Variants in NPR2 observed in about 807,000 individuals in gnomAD.
The protein encoded by NPR2 is natriuretic peptide receptor 2.
NPR2 carries 49 observed loss-of-function variants against 120.7 expected under a neutral mutation model. The observed-to-expected ratio is 0.41, with a 90% CI of 0.32 to 0.52. The LOEUF is 0.52. Ranked by LOEUF, NPR2 falls within the 20% of genes least tolerant of loss-of-function variation. NPR2 has a pLI of 0.36. For missense variants in NPR2, 931 were observed against 1,362.9 expected (o/e 0.68, Z 4.99); for synonymous variants, 484 against 519.8 (o/e 0.93, Z 0.94).
rs754355996 is a variant in NPR2 at position 35,808,238 on chromosome 9, T to G, written c.2713-271T>G. 6.2e-7 allele frequency: 1 copy of G among 1,614,254 alleles called. No individual in the cohort carries two copies. ...CCCATTTCCTGATGGCAGAGCCTATTTGTCCATGTCCTGCTGCAGACAGGG... is the reference window on the plus strand; with the variant it reads ...CCCATTTCCTGATGGCAGAGCCTATGTGTCCATGTCCTGCTGCAGACAGGG... On this transcript the variant is annotated intron_variant, in intron 18 of 21. Transcript: ENST00000342694. This position sits in a 1 kb window ranked among gnomAD's most constrained non-coding sequence, Gnocchi z 4.0.
chr9:35,805,922 C>T lies in NPR2; in HGVS notation c.2140C>T (p.Leu714=), dbSNP rs1386497105. ...KADVYSFGII[L]QEIALRSGPF... ...TGACGTCTATAGCTTTGGGATCATCCTGCAGGAGATAGCACTTCGCAGTGG... is the reference window on the plus strand; with the variant it reads ...TGACGTCTATAGCTTTGGGATCATCTTGCAGGAGATAGCACTTCGCAGTGG... The change falls in exon 14 of 22, where the codon CTG becomes TTG. Residue 714 remains leucine (L), a synonymous_variant. Transcript: ENST00000342694. The surrounding 1 kb of genome is among the most constrained non-coding windows in gnomAD (Gnocchi z 4.9). The T allele has an allele frequency of 6.2e-7, 1 of 1,614,206 alleles. No individual in the cohort carries two copies. The highest frequency in any genetic ancestry group is 1.1e-5 in the South Asian group (1 of 91,086).
Position 35,801,778 on chromosome 9 carries a change from C to A in NPR2, c.1557+15C>A. The A allele has an allele frequency of 1.2e-6, 2 of 1,614,162 alleles. No homozygotes were observed. The highest frequency in any genetic ancestry group is 1.7e-6 in the Non-Finnish European group (2 of 1,180,030). ...CACTGTCGCTGGTGAGCCCTTGTCT[C>A]AGCTGTTCCTCTGCCTCCCTCTGAG... On this transcript the variant is annotated intron_variant, in intron 8 of 21. Transcript: ENST00000342694.
chr9:35,793,042 C>T lies in NPR2; in HGVS notation c.634C>T (p.Gln212Ter). 1 of 1,604,772 alleles carries T rather than the reference C, an allele frequency of 6.2e-7. No individual in the cohort carries two copies. The highest frequency in any genetic ancestry group is 1.1e-5 in the South Asian group (1 of 90,782). Reference protein sequence around the residue: ...VYAREPGGPEQATHFIRANGR... With the variant: ...VYAREPGGPE Reference sequence around the variant, plus strand: ...TGCCCGAGAGCCAGGGGGCCCCGAGCAGGCCACCCACTTCATCCGGGCCAA... The same window carrying T: ...TGCCCGAGAGCCAGGGGGCCCCGAGTAGGCCACCCACTTCATCCGGGCCAA... The change falls in exon 1 of 22, where the codon CAG becomes TAG. Residue 212 changes from glutamine to a stop codon, truncating the protein, a stop_gained. Coordinates refer to ENST00000342694, the MANE Select transcript of NPR2 (RefSeq NM_003995.4). LOFTEE classifies it high-confidence loss of function.
intron 18 of NPR2, chr9:35,807,934 CGTT>C: frequency 1.9e-6 from 1 of 525,262 alleles, no homozygotes. Context: ...ATAATAGATT[CGTT>C]GTATGGAAAG....
At position 35,808,203 on chromosome 9, in the gene NPR2, T is replaced by C. The variant is rs780926461; in HGVS notation, c.2713-306T>C. On this transcript the variant is annotated intron_variant, in intron 18 of 21. Transcript: ENST00000342694. This position sits in a 1 kb window ranked among gnomAD's most constrained non-coding sequence, Gnocchi z 4.0. ...AGCCTCTGTCCTCTTGAGTTACCGT[T>C]TTCTTGCTTCCCATTTCCTGATGGC... 6.2e-7 allele frequency: 1 copy of C among 1,614,202 alleles called. No homozygotes were observed. Among genetic ancestry groups the C allele is most frequent in the South Asian group, 1.1e-5 (1 of 91,084 alleles).
chr9:35,798,020 G>A (rs1359311575), intron 2 of NPR2, among the ~76,000 whole-genome samples: 3 of 152,106 alleles, frequency 2.0e-5, no homozygotes, highest in Non-Finnish European at 4.4e-5. Flanking sequence ...TTCTAAGATG[G>A]TCAATATTGA....
rs1828653715 is a variant in NPR2, at chr9:35,809,600, A to C, written c.*155A>C. Reference sequence around the variant, plus strand: ...TTATATGGAAGTTGTAGCCCTCTGCAGCTCAGCCCTGTACATATACCTGTC... The same window carrying C: ...TTATATGGAAGTTGTAGCCCTCTGCCGCTCAGCCCTGTACATATACCTGTC... On this transcript the variant is annotated 3_prime_UTR_variant, in exon 22 of 22. Transcript: ENST00000342694. The surrounding 1 kb of genome is among the most constrained non-coding windows in gnomAD (Gnocchi z 4.1). The C allele has an allele frequency of 3.1e-6, 4 of 1,279,944 alleles. No homozygotes were observed. The South Asian group carries it at 3.6e-5, about 11-fold the overall frequency. 79.3% of individuals were successfully genotyped at this position (1,279,944 alleles called of 1,614,324 possible).
At position 35,795,283 on chromosome 9, in the gene NPR2, C is replaced by T. The variant is rs1157468929; in HGVS notation, c.873+1180C>T. On this transcript the variant is annotated intron_variant, in intron 2 of 21. Coordinates refer to ENST00000342694, the MANE Select transcript of NPR2 (RefSeq NM_003995.4). Reference sequence around the variant, plus strand: ...TTTCCTTTTGTCTGGAATGCTCTTCCTTCCCTCATCCCAAATATCTGCCTC... The same window carrying T: ...TTTCCTTTTGTCTGGAATGCTCTTCTTTCCCTCATCCCAAATATCTGCCTC... Among the ~76,000 whole-genome samples, 3 of 152,334 alleles carry T rather than the reference C, an allele frequency of 2.0e-5. No homozygotes were observed. In the East Asian group the frequency reaches 5.8e-4, roughly 29 times the overall value.
Position 35,801,236 on chromosome 9 carries a change from T to C in NPR2, c.1436+82T>C, listed in dbSNP as rs1322044. On this transcript the variant is annotated intron_variant, in intron 7 of 21. Coordinates refer to ENST00000342694, the MANE Select transcript of NPR2 (RefSeq NM_003995.4). ...GGCTGAAGCCAGGTGGTCCCTATAA[T>C]GTGGGATAGGGTAGTAGGTTTCTTA... The C allele has an allele frequency of 0.23, 231,710 of 1,019,954 alleles. 28,753 individuals carry two copies. The highest frequency in any genetic ancestry group is 0.45 in the African/African-American group (28,984 of 63,750). 63.2% of individuals were successfully genotyped at this position (1,019,954 alleles called of 1,614,324 possible). A position where few individuals can be genotyped will look rare whatever the true frequency, so the allele number is the denominator to read the frequency against.
In NPR2 at chr9:35,806,539, G is replaced by C; in HGVS notation, c.2519+1G>C. 1 of 1,614,154 alleles carries C rather than the reference G, an allele frequency of 6.2e-7. No individual in the cohort carries two copies. Among genetic ancestry groups the C allele is most frequent in the African/African-American group, 1.3e-5 (1 of 75,038 alleles). ...CTCTGCTCTACCAAATCCTACCCCA[G>C]TGAGACTTTGTCCCCCTTCCTGTAT... is the stretch of plus-strand genomic sequence containing the variant. On this transcript the variant is annotated splice_donor_variant, in intron 16 of 21. Coordinates refer to ENST00000342694, the MANE Select transcript of NPR2 (RefSeq NM_003995.4). LOFTEE classifies it high-confidence loss of function. The surrounding 1 kb of genome is among the most constrained non-coding windows in gnomAD (Gnocchi z 4.6).
chr9:35,794,520 T>G (rs878955883), intron 2 of NPR2, among the ~76,000 whole-genome samples: 14 of 152,154 alleles, frequency 9.2e-5, no homozygotes, highest in African/African-American at 2.4e-4. Context: ...CTAAGAACTT[T>G]AGTGGCTCAG....
chr9:35,801,227 T>A, intron 7 of NPR2, 73 bp downstream of exon 7: 2 of 1,155,078 alleles, frequency 1.7e-6, no homozygotes, highest in Middle Eastern at 2.0e-4. Flanking sequence ...AGCCAGGTGG[T>A]CCCTATAATG....
chr9:35,793,835 G>A (rs1827861694), intron 1 of NPR2, 63 bp from the exon 2 acceptor site: 2 of 1,502,594 alleles, frequency 1.3e-6, no homozygotes, highest in South Asian at 2.3e-5. Context: ...ATTCAGAGAG[G>A]GGGCTGTGTG....
chr9:35,806,947 A>G lies in NPR2; in HGVS notation c.2520-76A>G. On this transcript the variant is annotated intron_variant, in intron 16 of 21. Coordinates refer to ENST00000342694, the MANE Select transcript of NPR2 (RefSeq NM_003995.4). This position sits in a 1 kb window ranked among gnomAD's most constrained non-coding sequence, Gnocchi z 4.6. ...TCTTGTTACAGCTCATCTCTGCTGC[A>G]GCCACATACACTTTCCCTCTCTCTT... 6.6e-7 allele frequency: 1 copy of G among 1,520,520 alleles called. No homozygotes were observed. The highest frequency in any genetic ancestry group is 9.1e-7 in the Non-Finnish European group (1 of 1,099,684). 94.2% of individuals were successfully genotyped at this position (1,520,520 alleles called of 1,614,324 possible). A position where few individuals can be genotyped will look rare whatever the true frequency, so the allele number is the denominator to read the frequency against.
In NPR2 at chr9:35,792,723, T is replaced by A; in HGVS notation, c.315T>A (p.Ala105=). Residue 105 remains alanine, a synonymous_variant, in exon 1 of 22, where the codon GCT becomes GCA. Transcript: ENST00000342694. ...LLLGPGCVYP[A]ASVARFASHW... ...TAGGTCCCGGTTGCGTGTACCCTGC[T>A]GCCTCTGTGGCCCGCTTTGCCTCCC... 1 of 1,614,182 alleles carries A rather than the reference T, an allele frequency of 6.2e-7. No individual in the cohort carries two copies. Among genetic ancestry groups the A allele is most frequent in the Non-Finnish European group, 8.5e-7 (1 of 1,180,036 alleles).
In NPR2 at chr9:35,808,654, A is replaced by G. The variant is rs770047763; in HGVS notation, c.2858A>G (p.Gln953Arg). ...SFRIRHRPHD[Q>R]LRLRIGVHTG... is the part of the protein sequence containing the mutation. ...CGCATCCGCCACCGACCCCATGACC[A>G]GCTGAGGCTACGCATAGGGGTCCAT... Residue 953 changes from glutamine (Q) to arginine (R), a missense_variant, in exon 19 of 22, where the codon CAG (glutamine) becomes CGG (arginine). Physicochemically the swap from Gln to Arg is conservative, Grantham distance 43 (BLOSUM62 1). This residue lies in a region of NPR2 where 184 missense variants were observed against 328.3 expected (regional missense o/e 0.56). Transcript: ENST00000342694. The surrounding 1 kb of genome is among the most constrained non-coding windows in gnomAD (Gnocchi z 4.0). 8 of 1,613,994 alleles carry G rather than the reference A, an allele frequency of 5.0e-6. No homozygotes were observed. The South Asian group carries it at 8.8e-5, about 18-fold the overall frequency.
Position 35,799,603 on chromosome 9 carries a change from A to G in NPR2, c.874-15A>G. On this transcript the variant is annotated splice_polypyrimidine_tract_variant and intron_variant, in intron 2 of 21. Coordinates refer to ENST00000342694, the MANE Select transcript of NPR2 (RefSeq NM_003995.4). ...TTGAATCCTGTTCACTCTTCCCCAT[A>G]TGCTGCTGGTACAGACTGTATTGGT... The G allele has an allele frequency of 6.4e-7, 1 of 1,569,984 alleles. No homozygotes were observed. Among genetic ancestry groups the G allele is most frequent in the Non-Finnish European group, 8.8e-7 (1 of 1,140,054 alleles).
Position 35,794,111 on chromosome 9 carries a change from T to C in NPR2, c.873+8T>C, listed in dbSNP as rs949975649. On this transcript the variant is annotated splice_region_variant and intron_variant, in intron 2 of 21. Transcript: ENST00000342694. ...CTCAGAGAGGCCTTTCAGGTATCAT[T>C]TGAGCCAAATCTGAAGGAGGAGGGG... 2.9e-5 allele frequency: 46 copies of C among 1,611,740 alleles called. No homozygotes were observed. Among genetic ancestry groups the C allele is most frequent in the Non-Finnish European group, 3.8e-5 (45 of 1,178,406 alleles).
At position 35,800,504 on chromosome 9, in the gene NPR2, G is replaced by A. The variant is rs1442551367; in HGVS notation, c.1218+21G>A. 7 of 1,604,852 alleles carry A rather than the reference G, an allele frequency of 4.4e-6. No individual in the cohort carries two copies. The highest frequency in any genetic ancestry group is 6.0e-6 in the Non-Finnish European group (7 of 1,171,712). ...TTCAGGTGATGGAGGAGGAGGCAGG[G>A]AAGAGAGTGTGGCCCTGCAAAATCC... On this transcript the variant is annotated intron_variant, in intron 5 of 21. Coordinates refer to ENST00000342694, the MANE Select transcript of NPR2 (RefSeq NM_003995.4). This position sits in a 1 kb window ranked among gnomAD's most constrained non-coding sequence, Gnocchi z 4.7.
Sources: gnomAD v4.1 joint callset for allele counts (sites outside exome capture counted in the v4.1 genomes callset) on GRCh38, gnomAD v4.1.1 for gene constraint, gnomAD v4.1.1 regional missense constraint, Gnocchi (gnomAD v3.1) non-coding constraint, MANE v1.5 for transcripts, NCBI Gene and HGNC (gene_info 2026-07-23, HGNC 2026-07-21) for gene names.